Variants in SIRT1 observed in about 807,000 individuals in gnomAD.
SIRT1 encodes NAD-dependent protein deacetylase sirtuin-1.
In SIRT1, 24 loss-of-function variants were observed where a neutral mutation model predicts 67.9. The observed-to-expected ratio is 0.35, with a 90% confidence interval of 0.26 to 0.50. The LOEUF (loss-of-function observed/expected upper bound fraction) is 0.50. SIRT1 is among the 20% of genes least tolerant of loss of function. The probability of loss-of-function intolerance (pLI) is 0.98; values close to 1 mark genes in which losing one functional copy is unlikely to be tolerated. For synonymous variants in SIRT1, 378 were observed against 350.7 expected (o/e 1.08, Z -0.87); for missense variants, 873 against 937.2 (o/e 0.93, Z 0.89).
At position 67,917,452 on chromosome 10, in the gene SIRT1, G is replaced by C. The variant is rs2029957351; in HGVS notation, c.*859G>C. 6.6e-6 allele frequency: 1 copy of C among 152,590 alleles called. No individual in the cohort carries two copies. Among genetic ancestry groups the C allele is most frequent in the African/African-American group, 2.4e-5 (1 of 41,450 alleles). 9.5% of individuals were successfully genotyped at this position (152,590 alleles called of 1,614,324 possible). ...TGTTTAAATACCTATCACTGTGGTA[G>C]AGCTTGCATTGATCTTTTCCACAAG... On this transcript the variant is annotated 3_prime_UTR_variant, in exon 9 of 9. Coordinates refer to ENST00000212015, the MANE Select transcript of SIRT1 (RefSeq NM_012238.5).
At position 67,912,505 on chromosome 10, in the gene SIRT1, A is replaced by T. The variant is rs761122062; in HGVS notation, c.1389A>T (p.Leu463Phe). 1.2e-6 allele frequency: 2 copies of T among 1,612,410 alleles called. No homozygotes were observed. The highest frequency in any genetic ancestry group is 2.2e-5 in the East Asian group (1 of 44,860). Reference protein sequence around the residue: ...SSIPHEVPQILINREPLPHLH... With the variant: ...SSIPHEVPQIFINREPLPHLH... ...TACCCCATGAAGTGCCTCAGATATT[A>T]ATTAATAGAGAACCTTTGCCTCATC... Residue 463 changes from leucine (L) to phenylalanine (F), a missense_variant, in exon 8 of 9, where the codon TTA becomes TTT. Transcript: ENST00000212015.
In SIRT1 at chr10:67,884,752, C is replaced by G. The variant is rs966205195; in HGVS notation, c.31C>G (p.Pro11Ala). 4 of 1,228,868 alleles carry G rather than the reference C, an allele frequency of 3.3e-6. No individual in the cohort carries two copies. Among genetic ancestry groups the G allele is most frequent in the Non-Finnish European group, 3.0e-6 (3 of 986,084 alleles). 76.1% of individuals were successfully genotyped at this position (1,228,868 alleles called of 1,614,324 possible). ...GGACGAGGCGGCCCTCGCCCTTCAG[C>G]CCGGCGGCTCCCCCTCGGCGGCGGG... MADEAALALQ[P>A]GGSPSAAGAD... The change falls in exon 1 of 9, where the codon CCC becomes GCC. Residue 11 changes from proline (P) to alanine (A), a missense_variant. Pro to Ala is a conservative substitution (Grantham distance 27). Coordinates refer to ENST00000212015, the MANE Select transcript of SIRT1 (RefSeq NM_012238.5).
At chr10:67,912,374 C>T in intron 7 of SIRT1, 100 bp from the exon 8 acceptor site, 1 of 1,094,110 alleles carries the variant, frequency 9.1e-7, no homozygotes, top group Non-Finnish European at 1.3e-6. Context: ...GAATTTGGAG[C>T]TCAAGCCCTT....
At chr10:67,903,448 G>A (rs1842773278) in intron 4 of SIRT1, among the ~76,000 whole-genome samples, 1 of 150,550 alleles carries the variant, frequency 6.6e-6, no homozygotes, top group African/African-American at 2.5e-5. Context: ...GCAGTGGTGT[G>A]ATCTAGGCTC....
chr10:67,912,075 T>C (rs1842909171), intron 7 of SIRT1, among the ~76,000 whole-genome samples: 1 of 152,126 alleles, frequency 6.6e-6, no homozygotes. Flanking sequence ...ACCTTCTTTA[T>C]ATCAGGAGCT....
At chr10:67,901,155 T>A (rs190088288) in intron 4 of SIRT1, among the ~76,000 whole-genome samples, 63 of 151,866 alleles carry the variant, frequency 4.1e-4, no homozygotes, top group African/African-American at 1.1e-3. Flanking sequence ...ATGCTAGGGT[T>A]TTTAGGTTTT....
intron 4 of SIRT1, chr10:67,906,341 TG>T (rs1421636355): frequency 6.6e-7 from 1 of 1,516,246 alleles, no homozygotes; most frequent in Admixed American, 2.3e-5. Flanking sequence ...TTCTAATGAA[TG>T]ATAAATCAAA....
At chr10:67,885,941 CTTTTTT>C (rs766544980) in intron 1 of SIRT1, among the ~76,000 whole-genome samples, 128 of 95,560 alleles carry the variant, frequency 1.3e-3, no homozygotes, top group African/African-American at 4.7e-3. Flanking sequence ...TTGAAGGTTT[CTTTTTT>C]TTTTTTTTTT....
chr10:67,906,072 A>G (rs1246427807), intron 4 of SIRT1: 1 of 1,123,862 alleles, frequency 8.9e-7, no homozygotes, highest in Non-Finnish European at 1.1e-6. Flanking sequence ...GGAATTTAAT[A>G]AAAACACTGT....
intron 8 of SIRT1, among the ~76,000 whole-genome samples, chr10:67,913,699 G>C (rs143123185): frequency 6.6e-6 from 1 of 152,244 alleles, no homozygotes; most frequent in East Asian, 1.9e-4. Flanking sequence ...CAAGTAGTCT[G>C]TATGGTGGAA....
Position 67,887,476 on chromosome 10 carries a change from G to T in SIRT1, c.490G>T (p.Glu164Ter). 6.2e-7 allele frequency: 1 copy of T among 1,613,878 alleles called. No homozygotes were observed. Among genetic ancestry groups the T allele is most frequent in the Non-Finnish European group, 8.5e-7 (1 of 1,179,800 alleles). ...TNGFHSCESD[E>*]EDRASHASSS... ...TGGTTTTCATTCCTGTGAAAGTGAT[G>T]AGGAGGATAGAGCCTCACATGCAAG... Residue 164 changes from glutamate to a stop codon, truncating the protein, a stop_gained, in exon 2 of 9, where the codon GAG becomes TAG. Coordinates refer to ENST00000212015, the MANE Select transcript of SIRT1 (RefSeq NM_012238.5). LOFTEE classifies it high-confidence loss of function.
intron 3 of SIRT1, 118 bp from the exon 4 acceptor site, chr10:67,891,281 AAAG>A (rs1842569474): frequency 3.8e-6 from 3 of 792,488 alleles, no homozygotes; most frequent in African/African-American, 1.7e-5. Context: ...TTATTTCTTA[AAAG>A]AAGTTTCAGA....
chr10:67,908,843 A>G (rs1225073605), intron 6 of SIRT1, among the ~76,000 whole-genome samples: 1 of 152,174 alleles, frequency 6.6e-6, no homozygotes, highest in Non-Finnish European at 1.5e-5. Context: ...TGGAGGTTGT[A>G]GTGAGCTGAG....
At chr10:67,913,617 T>C (rs2131891381) in intron 8 of SIRT1, among the ~76,000 whole-genome samples, 1 of 152,334 alleles carries the variant, frequency 6.6e-6, no homozygotes, top group African/African-American at 2.4e-5. Context: ...AGAACATGCA[T>C]AGTCTTTATC....
chr10:67,915,178 G>T (rs575277724), intron 8 of SIRT1, among the ~76,000 whole-genome samples: 2 of 152,278 alleles, frequency 1.3e-5, no homozygotes, highest in East Asian at 3.9e-4. Flanking sequence ...ACTGGGTCAT[G>T]ATGCAGTATG....
chr10:67,902,731 G>T (rs751926026), intron 4 of SIRT1, among the ~76,000 whole-genome samples: 1 of 152,188 alleles, frequency 6.6e-6, no homozygotes, highest in Non-Finnish European at 1.5e-5. Flanking sequence ...ATATATAGGA[G>T]GGGGTGGATA....
Position 67,885,055 on chromosome 10 carries a change from C to A in SIRT1, c.334C>A (p.Arg112=). The A allele has an allele frequency of 7.0e-7, 1 of 1,429,984 alleles. No individual in the cohort carries two copies. Among genetic ancestry groups the A allele is most frequent in the Non-Finnish European group, 9.2e-7 (1 of 1,084,022 alleles). 88.6% of individuals were successfully genotyped at this position (1,429,984 alleles called of 1,614,324 possible). ...TGGGCCGGGCCTGCAGGGCCCATCT[C>A]GGGAGCCACCGCTGGCCGACAACTT... The part of the protein sequence containing the change: ...DNGPGLQGPS[R]EPPLADNLYD... Residue 112 remains arginine (R), a synonymous_variant, in exon 1 of 9, where the codon CGG becomes AGG. Coordinates refer to ENST00000212015, the MANE Select transcript of SIRT1 (RefSeq NM_012238.5).
chr10:67,886,766 T>A (rs1842488782), intron 1 of SIRT1, among the ~76,000 whole-genome samples: 1 of 152,186 alleles, frequency 6.6e-6, no homozygotes, highest in Admixed American at 6.5e-5. Flanking sequence ...TATATTTGAA[T>A]GACGTTTTTA....
intron 3 of SIRT1, among the ~76,000 whole-genome samples, 173 bp downstream of exon 3, chr10:67,889,296 C>T (rs1842532904): frequency 6.6e-6 from 1 of 152,164 alleles, no homozygotes; most frequent in Admixed American, 6.5e-5. Flanking sequence ...TTTTTAAAAC[C>T]TCTCCAGCCT....
Sources: gnomAD v4.1 joint callset for allele counts (sites outside exome capture counted in the v4.1 genomes callset) on GRCh38, gnomAD v4.1.1 for gene constraint, MANE v1.5 for transcripts, NCBI Gene and HGNC (gene_info 2026-07-23, HGNC 2026-07-21) for gene names.